Variants in BARD1 observed in about 807,000 individuals in gnomAD.
BARD1 encodes BRCA1-associated RING domain protein 1.
BARD1 carries 73 observed loss-of-function variants against 77.0 expected under a neutral mutation model. The observed-to-expected ratio is 0.95, with a 90% CI of 0.79 to 1.15. The LOEUF is 1.15. BARD1 is among the 50% of genes most tolerant of loss of function. The pLI, the probability that BARD1 is intolerant of heterozygous loss-of-function variation, is 0.00. For missense variants in BARD1, 993 were observed against 938.8 expected, an observed-to-expected ratio of 1.06 and a Z score of -0.75; for synonymous variants, 384 against 338.0, an observed-to-expected ratio of 1.14 and a Z score of -1.49.
intron 2 of BARD1, 49 bp downstream of exon 2, chr2:214,797,012 C>G: frequency 7.4e-7 from 1 of 1,360,312 alleles, no homozygotes; most frequent in Non-Finnish European, 1.1e-6. Flanking sequence ...TGATTGTTAT[C>G]TAGTAAAAAA....
At chr2:214,751,667 T>C (rs1467461756) in intron 7 of BARD1, among the ~76,000 whole-genome samples, 1 of 152,184 alleles carries the variant, frequency 6.6e-6, no homozygotes, top group Non-Finnish European at 1.5e-5. Flanking sequence ...AGCTCCAGAC[T>C]TTCATATCCA....
intron 2 of BARD1, among the ~76,000 whole-genome samples, chr2:214,793,555 T>G (rs1005080146): frequency 6.6e-6 from 1 of 152,214 alleles, no homozygotes; most frequent in African/African-American, 2.4e-5. Flanking sequence ...AAATCATTTG[T>G]GCAATACTTA....
intron 2 of BARD1, among the ~76,000 whole-genome samples, chr2:214,796,622 A>C (rs1218338565): frequency 1.3e-5 from 2 of 152,340 alleles, no homozygotes; most frequent in Admixed American, 1.3e-4. Flanking sequence ...CCTAGCCTAC[A>C]GAACTAGAGA....
rs79491844 is a variant in BARD1, at chr2:214,763,131, A to C, written c.1568+4351T>G. Among the ~76,000 whole-genome samples the C allele has an allele frequency of 9.4e-3, 1,427 of 152,252 alleles. 21 individuals carry two copies. The highest frequency in any genetic ancestry group is 0.033 in the African/African-American group (1,363 of 41,532). ...ACGGAAGTTCCTAGAATGAATGAAG[A>C]AGCAGTCTGGCCTTGAGTACCTTAG... On this transcript the variant is annotated intron_variant, in intron 6 of 10. Transcript: ENST00000260947.
intron 3 of BARD1, among the ~76,000 whole-genome samples, chr2:214,791,549 T>G (rs1695513399): frequency 6.6e-6 from 1 of 152,156 alleles, no homozygotes; most frequent in African/African-American, 2.4e-5. Context: ...TTTCCACAGT[T>G]AATTAGTTCT....
At chr2:214,744,887 T>A (rs1693025698) in intron 9 of BARD1, among the ~76,000 whole-genome samples, 180 bp downstream of exon 9, 1 of 152,170 alleles carries the variant, frequency 6.6e-6, no homozygotes, top group Non-Finnish European at 1.5e-5. Flanking sequence ...CACCTGGGCC[T>A]CCCAAAGTGC....
Position 214,761,010 on chromosome 2 carries a change from G to A in BARD1, c.1568+6472C>T, listed in dbSNP as rs183109787. Among the ~76,000 whole-genome samples, 1,178 of 150,688 alleles carry A rather than the reference G, an allele frequency of 7.8e-3. 31 individuals are homozygous for A. Among genetic ancestry groups the A allele is most frequent in the Admixed American group, 0.055 (835 of 15,154 alleles). ...AGAATGGTCTCGATCTCCTGACCTC[G>A]GGATCCACCCGCCTTGGCTTCTCAA... On this transcript the variant is annotated intron_variant, in intron 6 of 10. Transcript: ENST00000260947.
chr2:214,744,277 T>C (rs1375250005), intron 9 of BARD1, among the ~76,000 whole-genome samples: 4 of 152,098 alleles, frequency 2.6e-5, no homozygotes, highest in South Asian at 2.1e-4. Flanking sequence ...ATAGCTGGTA[T>C]AGTGACTCCA....
intron 4 of BARD1, among the ~76,000 whole-genome samples, chr2:214,779,176 T>G (rs1694866029): frequency 1.3e-5 from 2 of 152,124 alleles, no homozygotes; most frequent in South Asian, 4.1e-4. Context: ...CCTGCCTCAC[T>G]GGTATCAGAA....
intron 7 of BARD1, among the ~76,000 whole-genome samples, chr2:214,750,013 T>C (rs1471813370): frequency 6.6e-6 from 1 of 152,120 alleles, no homozygotes; most frequent in Non-Finnish European, 1.5e-5. Context: ...TATGAGAGTA[T>C]CAAACTGTAG....
At chr2:214,779,165 C>T (rs1242336840) in intron 4 of BARD1, among the ~76,000 whole-genome samples, 1 of 152,108 alleles carries the variant, frequency 6.6e-6, no homozygotes, top group African/African-American at 2.4e-5. Flanking sequence ...GTTGTAAGGT[C>T]CCTGCCTCAC....
At position 214,809,647 on chromosome 2, in the gene BARD1, C is replaced by T. The variant is rs34732883; in HGVS notation, c.-78G>A. The T allele has an allele frequency of 0.63, 949,578 of 1,500,186 alleles. 302,142 individuals carry two copies. Among genetic ancestry groups the T allele is most frequent in the East Asian group, 0.78 (31,301 of 40,060 alleles). 92.9% of individuals were successfully genotyped at this position (1,500,186 alleles called of 1,614,324 possible). ...CGGGAAACCACAGGGAAGCTGCAGG[C>T]CAGCGACTCGAAACCGGCCAAGCTC... On this transcript the variant is annotated 5_prime_UTR_variant, in exon 1 of 11. Transcript: ENST00000260947.
chr2:214,731,023 A>G, intron 9 of BARD1: 1 of 410,760 alleles, frequency 2.4e-6, no homozygotes, highest in South Asian at 1.8e-5. Context: ...GCCACACAAC[A>G]GGGGTTCAAC....
intron 2 of BARD1, among the ~76,000 whole-genome samples, chr2:214,793,626 G>A (rs1695627254): frequency 1.3e-5 from 2 of 152,156 alleles, no homozygotes; most frequent in African/African-American, 4.8e-5. Context: ...ATTTTTGGAT[G>A]AAGAAAATGA....
At position 214,792,424 on chromosome 2, in the gene BARD1, A is replaced by G. The variant is rs1430049763; in HGVS notation, c.237T>C (p.Ile79=). 6.2e-7 allele frequency: 1 copy of G among 1,609,670 alleles called. No homozygotes were observed. The highest frequency in any genetic ancestry group is 8.5e-7 in the Non-Finnish European group (1 of 1,178,626). The change falls in exon 3 of 11, where the codon ATT becomes ATC. Residue 79 remains isoleucine (I), a synonymous_variant. Transcript: ENST00000260947. ...IFCSNCVSDC[I]GTGCPVCYTP... ...TGTAACACACTGGACATCCAGTTCC[A>G]ATGCAGTCACTTACACAATTACTTT...
intron 9 of BARD1, chr2:214,730,965 A>T (rs761957171): frequency 1.1e-5 from 5 of 453,810 alleles, no homozygotes; most frequent in Non-Finnish European, 2.2e-5. Context: ...ACTGTAAGTG[A>T]TTTGACATGA....
intron 3 of BARD1, among the ~76,000 whole-genome samples, chr2:214,789,059 T>C (rs182583776): frequency 1.0e-3 from 155 of 152,218 alleles, no homozygotes; most frequent in Admixed American, 1.9e-3. Flanking sequence ...AATTTAGAGA[T>C]CTGGACAGAA....
At chr2:214,762,545 T>C (rs767133653) in intron 6 of BARD1, among the ~76,000 whole-genome samples, 13 of 152,216 alleles carry the variant, frequency 8.5e-5, no homozygotes, top group Admixed American at 1.3e-4. Context: ...GAGTCTAACT[T>C]TGATATCAAA....
In BARD1 at chr2:214,728,569, T is replaced by A; in HGVS notation, c.*107A>T. 1.0e-6 allele frequency: 1 copy of A among 973,380 alleles called. No individual in the cohort carries two copies. Among genetic ancestry groups the A allele is most frequent in the Non-Finnish European group, 1.5e-6 (1 of 664,970 alleles). The allele number at this position is 973,380 out of a possible 1,614,324, so 60.3% of individuals were successfully genotyped here. Reference sequence around the variant, plus strand: ...TTTTTTTTTGATTCAAAGACAAATATGAATGACTCTACCTATTTGTAAAAA... The same window carrying A: ...TTTTTTTTTGATTCAAAGACAAATAAGAATGACTCTACCTATTTGTAAAAA... On this transcript the variant is annotated 3_prime_UTR_variant, in exon 11 of 11. Coordinates refer to ENST00000260947, the MANE Select transcript of BARD1 (RefSeq NM_000465.4).
Sources: gnomAD v4.1 joint callset for allele counts (sites outside exome capture counted in the v4.1 genomes callset) on GRCh38, gnomAD v4.1.1 for gene constraint, MANE v1.5 for transcripts, NCBI Gene and HGNC (gene_info 2026-07-23, HGNC 2026-07-21) for gene names.